The following POLR3E variants were observed in gnomAD, a reference collection of about 807,000 sequenced individuals.
POLR3E encodes the protein DNA-directed RNA polymerase III subunit RPC5.
Under a neutral mutation model 96.6 loss-of-function variants are expected in POLR3E, and 41 were observed. That is an observed-to-expected ratio of 0.42 (90% CI 0.33 to 0.55). The LOEUF (loss-of-function observed/expected upper bound fraction) is 0.55. Ranked by LOEUF, POLR3E falls within the 20% of genes least tolerant of loss-of-function variation. POLR3E has a pLI of 0.06. For missense variants in POLR3E, 849 were observed against 952.1 expected (o/e 0.89, Z 1.43); for synonymous variants, 396 against 383.6 (o/e 1.03, Z -0.38).
At chr16:22,328,930 A>T (rs963848441) in intron 19 of POLR3E, 4 of 303,504 alleles carry the variant, frequency 1.3e-5, no homozygotes, top group African/African-American at 4.4e-5. Flanking sequence ...GTTTGACACC[A>T]GCCTGACCAA....
At chr16:22,311,115 A>T (rs1394622187) in intron 6 of POLR3E, among the ~76,000 whole-genome samples, 1 of 151,908 alleles carries the variant, frequency 6.6e-6, no homozygotes, top group Admixed American at 6.6e-5. Context: ...ACAGGTGCAC[A>T]CACCACCATG....
At position 22,308,951 on chromosome 16, in the gene POLR3E, C is replaced by T. The variant is rs1299374760; in HGVS notation, c.192C>T (p.Thr64=). Reference sequence around the variant, plus strand: ...TAGAGCTTGAGATGGCCATCGACACCCTGAACCCCAACTATTGCCGCAGCA... The same window carrying T: ...TAGAGCTTGAGATGGCCATCGACACTCTGAACCCCAACTATTGCCGCAGCA... ...QKVELEMAID[T]LNPNYCRSKG... Residue 64 remains threonine (T), a synonymous_variant, in exon 5 of 21, where the codon ACC becomes ACT. Transcript: ENST00000299853. 6.2e-7 allele frequency: 1 copy of T among 1,613,824 alleles called. No homozygotes were observed. The highest frequency in any genetic ancestry group is 8.5e-7 in the Non-Finnish European group (1 of 1,179,886).
At chr16:22,328,336 G>A (rs577732739) in intron 18 of POLR3E, 174 bp from the exon 19 acceptor site, 372 of 625,906 alleles carry the variant, frequency 5.9e-4, no homozygotes, top group Middle Eastern at 5.6e-3. Flanking sequence ...CCATGGTGAG[G>A]TGAGAGGCAC....
intron 14 of POLR3E, among the ~76,000 whole-genome samples, chr16:22,323,502 A>G (rs535764973): frequency 2.0e-5 from 3 of 152,076 alleles, no homozygotes; most frequent in Admixed American, 6.5e-5. Context: ...GTGCTGGCTG[A>G]AACGTGCTGC....
intron 20 of POLR3E, 99 bp downstream of exon 20, chr16:22,332,284 G>C (rs888953752): frequency 4.6e-6 from 5 of 1,090,582 alleles, no homozygotes; most frequent in Non-Finnish European, 6.6e-6. Context: ...ATGAAATCAG[G>C]CTTCCTTGGG....
At chr16:22,326,449 TG>T (rs1010705790) in intron 18 of POLR3E, 171 bp downstream of exon 18, 2 of 653,904 alleles carry the variant, frequency 3.1e-6, no homozygotes, top group African/African-American at 3.6e-5. Context: ...TCTCATGAAA[TG>T]GGATCATGTT....
intron 1 of POLR3E, among the ~76,000 whole-genome samples, chr16:22,301,410 C>T (rs866132015): frequency 5.3e-5 from 8 of 151,624 alleles, no homozygotes; most frequent in African/African-American, 1.5e-4. Flanking sequence ...GGCAAAGCCC[C>T]GTCTCTACTG....
intron 12 of POLR3E, among the ~76,000 whole-genome samples, chr16:22,317,631 G>A (rs866794592): frequency 2.0e-5 from 3 of 151,212 alleles, no homozygotes; most frequent in South Asian, 4.2e-4. Flanking sequence ...ACACGGACTA[G>A]GGGCTTTTTG....
intron 5 of POLR3E, 63 bp from the exon 6 acceptor site, chr16:22,309,365 G>C: frequency 8.1e-7 from 1 of 1,235,048 alleles, no homozygotes; most frequent in South Asian, 1.2e-5. Context: ...GGGGTGCGCT[G>C]TGGCCACAGG....
intron 13 of POLR3E, among the ~76,000 whole-genome samples, chr16:22,319,775 A>G (rs1164377596): frequency 6.6e-6 from 1 of 152,180 alleles, no homozygotes; most frequent in Non-Finnish European, 1.5e-5. Context: ...ACATGTATAC[A>G]ATGTAATGAT....
At chr16:22,303,729 C>A (rs2048075708) in intron 2 of POLR3E, among the ~76,000 whole-genome samples, 1 of 150,112 alleles carries the variant, frequency 6.7e-6, no homozygotes. Flanking sequence ...CAACCTTCAC[C>A]TCCCAGGTTC....
intron 2 of POLR3E, among the ~76,000 whole-genome samples, chr16:22,304,594 G>T (rs1462435658): frequency 1.3e-5 from 2 of 152,160 alleles, no homozygotes; most frequent in African/African-American, 4.8e-5. Context: ...CATGTGCAAA[G>T]GCCCAGGGGT....
chr16:22,307,365 G>A (rs762290599), intron 3 of POLR3E, among the ~76,000 whole-genome samples: 17 of 152,118 alleles, frequency 1.1e-4, no homozygotes, highest in Non-Finnish European at 2.4e-4. Context: ...GTCTCCTTGC[G>A]CTAGAATGTA....
chr16:22,324,483 C>T lies in POLR3E; in HGVS notation c.1129-20C>T. ...GGGAGGGGGCTGGCTGTGCCTCACG[C>T]TGGGCCCCCTCCCCTCCAGCTCTGC... On this transcript the variant is annotated intron_variant, in intron 15 of 20. Transcript: ENST00000299853. The T allele has an allele frequency of 6.2e-7, 1 of 1,610,774 alleles. No homozygotes were observed. The highest frequency in any genetic ancestry group is 8.5e-7 in the Non-Finnish European group (1 of 1,178,414).
chr16:22,316,972 C>G, intron 10 of POLR3E, 23 bp from the exon 11 acceptor site: 5 of 1,613,674 alleles, frequency 3.1e-6, no homozygotes, highest in Non-Finnish European at 4.2e-6. Context: ...CCCTGAGCCT[C>G]TGCCCCTGCC....
intron 2 of POLR3E, among the ~76,000 whole-genome samples, chr16:22,303,552 G>T (rs1210635239): frequency 1.3e-5 from 2 of 151,978 alleles, no homozygotes; most frequent in Non-Finnish European, 2.9e-5. Context: ...AGCAGGGCAG[G>T]GTCCCCTTCC....
At position 22,325,215 on chromosome 16, in the gene POLR3E, G is replaced by C; in HGVS notation, c.1297G>C (p.Val433Leu). The change falls in exon 17 of 21, where the codon GTC becomes CTC. Residue 433 changes from valine (V) to leucine (L), a missense_variant. Transcript: ENST00000299853. ...WTGIQAKLEKVYNLVKETMPK... is the reference protein window; with the variant it reads ...WTGIQAKLEKLYNLVKETMPK... ...TACTCTTCTTTTCAGACTGGAAAAA[G>C]TCTATAATCTTGTAAAGGAAACCAT... 1 of 1,613,158 alleles carries C rather than the reference G, an allele frequency of 6.2e-7. No individual in the cohort carries two copies. Among genetic ancestry groups the C allele is most frequent in the African/African-American group, 1.3e-5 (1 of 75,036 alleles).
chr16:22,319,546 C>T (rs1297312883), intron 13 of POLR3E, among the ~76,000 whole-genome samples: 1 of 151,840 alleles, frequency 6.6e-6, no homozygotes, highest in African/African-American at 2.4e-5. Flanking sequence ...CTACAAGGCA[C>T]CCGCCACCAC....
At position 22,322,982 on chromosome 16, in the gene POLR3E, G is replaced by A; in HGVS notation, c.1068+51G>A. The A allele has an allele frequency of 4.6e-6, 6 of 1,313,594 alleles. No homozygotes were observed. The highest frequency in any genetic ancestry group is 6.5e-6 in the Non-Finnish European group (6 of 921,966). 81.4% of individuals were successfully genotyped at this position (1,313,594 alleles called of 1,614,324 possible). On this transcript the variant is annotated intron_variant, in intron 14 of 20. Coordinates refer to ENST00000299853, the MANE Select transcript of POLR3E (RefSeq NM_018119.4). The surrounding 1 kb of genome is among the most constrained non-coding windows in gnomAD (Gnocchi z 5.2). ...CACGGTGGGGGCGTGGGAAGAGGGGGGCAGCGGTGCAGGGCTTCTGAAGAC... is the reference window on the plus strand; with the variant it reads ...CACGGTGGGGGCGTGGGAAGAGGGGAGCAGCGGTGCAGGGCTTCTGAAGAC...
Sources: allele counts gnomAD v4.1 joint callset (sites outside exome capture counted in the v4.1 genomes callset), GRCh38; gene constraint gnomAD v4.1.1; non-coding constraint Gnocchi (gnomAD v3.1); transcripts MANE v1.5; gene names NCBI Gene and HGNC (gene_info 2026-07-23, HGNC 2026-07-21).